Variants in HDAC9 observed in about 807,000 individuals in gnomAD.
HDAC9 encodes histone deacetylase 9, also known as MEF-2 interacting transcription repressor (MITR) protein.
A neutral mutation model predicts 139.4 loss-of-function variants in HDAC9; 41 were observed. The ratio of observed to expected loss-of-function variants is 0.29; its 90% CI spans 0.23 to 0.38. The LOEUF is 0.38. Ranked by LOEUF, HDAC9 falls within the 10% of genes least tolerant of loss-of-function variation. The pLI is 1.00. For synonymous variants in HDAC9, 517 were observed against 476.2 expected (o/e 1.09, Z -1.12); for missense variants, 1,147 against 1,297.0 (o/e 0.88, Z 1.78).
intron 1 of HDAC9, among the ~76,000 whole-genome samples, chr7:18,088,500 A>G (rs957279745): frequency 7.9e-5 from 12 of 152,228 alleles, no homozygotes; most frequent in African/African-American, 2.9e-4. Context: ...AAATCTCCCA[A>G]AAGAAAACCT....
chr7:18,613,711 A>G (rs1389144767), intron 6 of HDAC9, among the ~76,000 whole-genome samples: 1 of 152,128 alleles, frequency 6.6e-6, no homozygotes, highest in African/African-American at 2.4e-5. Flanking sequence ...ATGCTAGGTT[A>G]TGATGTTATA....
chr7:18,948,435 A>G (rs1357775256), intron 23 of HDAC9, among the ~76,000 whole-genome samples: 1 of 152,086 alleles, frequency 6.6e-6, no homozygotes, highest in Admixed American at 6.6e-5. Context: ...AATTAATTAT[A>G]TATCTATATA....
At chr7:18,120,223 G>T (rs572006002) in intron 1 of HDAC9, among the ~76,000 whole-genome samples, 128 of 152,288 alleles carry the variant, frequency 8.4e-4, no homozygotes, top group African/African-American at 2.8e-3. Context: ...GAGGCCAGGG[G>T]TGCTGCTCAA....
chr7:18,769,996 A>G (rs1044243132), intron 16 of HDAC9, among the ~76,000 whole-genome samples: 5 of 152,124 alleles, frequency 3.3e-5, no homozygotes, highest in African/African-American at 4.8e-5. Context: ...TTCATTCTAG[A>G]GGGGTTTGAT....
chr7:18,340,054 C>T (rs566744044), intron 1 of HDAC9, among the ~76,000 whole-genome samples: 293 of 151,508 alleles, frequency 1.9e-3, no homozygotes, highest in Middle Eastern at 6.8e-3. Flanking sequence ...ATTTTTGCTT[C>T]ATGTGTTTGG....
intron 1 of HDAC9, among the ~76,000 whole-genome samples, chr7:18,487,821 G>A (rs970083292): frequency 6.4e-4 from 97 of 152,086 alleles, no homozygotes; most frequent in South Asian, 4.2e-4. Context: ...GGTATGCCAC[G>A]TATCAACTTG....
intron 6 of HDAC9, among the ~76,000 whole-genome samples, chr7:18,614,897 T>G (rs974828871): frequency 6.6e-6 from 1 of 152,336 alleles, no homozygotes; most frequent in South Asian, 2.1e-4. Flanking sequence ...GAGTGTTTCA[T>G]GAATAACAGC....
At chr7:18,915,068 G>A (rs1456675092) in intron 22 of HDAC9, among the ~76,000 whole-genome samples, 2 of 152,026 alleles carry the variant, frequency 1.3e-5, no homozygotes, top group African/African-American at 2.4e-5. Flanking sequence ...ACCACTGACT[G>A]ACAACAATAA....
chr7:18,111,858 T>C (rs1355129674), intron 1 of HDAC9, among the ~76,000 whole-genome samples: 2 of 152,190 alleles, frequency 1.3e-5, no homozygotes, highest in Admixed American at 6.5e-5. Context: ...TGCAGTTCCA[T>C]GCTGGCTCTA....
At chr7:18,732,927 G>GTA (rs1786412499) in intron 13 of HDAC9, among the ~76,000 whole-genome samples, 1 of 122,744 alleles carries the variant, frequency 8.1e-6, no homozygotes. Context: ...ATACACACGT[G>GTA]TGTATGTATG....
chr7:18,508,212 T>C lies in HDAC9; in HGVS notation c.22+11888T>C, dbSNP rs552860810. On this transcript the variant is annotated intron_variant, in intron 2 of 25. Transcript: ENST00000686413. ...AGAGAATGGGGTAGAAAGTGACTGA[T>C]AGGGCAGTATTAACTAGGGTAGCTA... 9.8e-5 allele frequency among the ~76,000 whole-genome samples: 15 copies of C among 152,316 alleles called. No homozygotes were observed. In the South Asian group the frequency reaches 2.7e-3, roughly 27 times the overall value.
intron 12 of HDAC9, among the ~76,000 whole-genome samples, chr7:18,720,033 T>A (rs1235230026): frequency 6.6e-6 from 1 of 152,170 alleles, no homozygotes; most frequent in East Asian, 1.9e-4. Flanking sequence ...CACACTGTTT[T>A]AATTACTGTA....
chr7:18,121,800 C>A (rs547808680), intron 1 of HDAC9, among the ~76,000 whole-genome samples: 1 of 151,270 alleles, frequency 6.6e-6, no homozygotes, highest in African/African-American at 2.4e-5. Flanking sequence ...TTTTTACAGG[C>A]ATTACTAATG....
intron 2 of HDAC9, among the ~76,000 whole-genome samples, chr7:18,169,992 G>T (rs533174319): frequency 3.9e-5 from 6 of 152,318 alleles, no homozygotes; most frequent in African/African-American, 1.4e-4. Flanking sequence ...GGATTGCTGG[G>T]TCAAATGGTA....
intron 5 of HDAC9, 125 bp downstream of exon 5, chr7:18,591,767 A>C (rs1270492705): frequency 7.9e-7 from 1 of 1,262,440 alleles, no homozygotes; most frequent in African/African-American, 1.5e-5. Flanking sequence ...AAGTTCCTTC[A>C]GTTCTCTAAG....
At chr7:18,568,840 G>A (rs898107781) in intron 2 of HDAC9, among the ~76,000 whole-genome samples, 1 of 152,016 alleles carries the variant, frequency 6.6e-6, no homozygotes, top group Non-Finnish European at 1.5e-5. Context: ...CTGAGGTTGG[G>A]AGTTCGAGAC....
intron 12 of HDAC9, among the ~76,000 whole-genome samples, chr7:18,722,388 T>C (rs1017808174): frequency 4.3e-4 from 66 of 152,310 alleles, no homozygotes; most frequent in African/African-American, 1.6e-3. Context: ...AACTTGGGTA[T>C]TTATCTAATT....
At chr7:18,952,465 G>T (rs990943341) in intron 23 of HDAC9, among the ~76,000 whole-genome samples, 1 of 151,988 alleles carries the variant, frequency 6.6e-6, no homozygotes, top group Non-Finnish European at 1.5e-5. Context: ...TAAATAAGCT[G>T]TCATCGCTTT....
intron 1 of HDAC9, among the ~76,000 whole-genome samples, chr7:18,471,681 T>C (rs1347195931): frequency 1.3e-5 from 2 of 152,166 alleles, no homozygotes; most frequent in African/African-American, 2.4e-5. Flanking sequence ...CCTGTGCACA[T>C]GCTGTTCTGT....
Sources: allele counts gnomAD v4.1 joint callset (sites outside exome capture counted in the v4.1 genomes callset), GRCh38; gene constraint gnomAD v4.1.1; transcripts MANE v1.5; gene names NCBI Gene and HGNC (gene_info 2026-07-23, HGNC 2026-07-21).